Variants in HDAC9 observed in about 807,000 individuals in gnomAD.
HDAC9 encodes the protein histone deacetylase 9.
A neutral mutation model predicts 139.4 loss-of-function variants in HDAC9; 41 were observed. The ratio of observed to expected loss-of-function variants is 0.29; its 90% CI spans 0.23 to 0.38. The LOEUF is 0.38. Ranked by LOEUF, HDAC9 falls within the 10% of genes least tolerant of loss-of-function variation. The pLI, the probability that HDAC9 is intolerant of heterozygous loss-of-function variation, is 1.00. For synonymous variants in HDAC9, 517 were observed against 476.2 expected (o/e 1.09, Z -1.12); for missense variants, 1,147 against 1,297.0 (o/e 0.88, Z 1.78).
intron 25 of HDAC9, among the ~76,000 whole-genome samples, chr7:18,981,241 C>G (rs1226781684): frequency 6.6e-6 from 1 of 152,114 alleles, no homozygotes; most frequent in Admixed American, 6.6e-5. Flanking sequence ...CAGGACTATC[C>G]TCCAACCAGC....
rs184029124 is a variant in HDAC9 at position 18,745,846 on chromosome 7, C to T, written c.1910-3159C>T. Among the ~76,000 whole-genome samples the T allele has an allele frequency of 1.4e-3, 214 of 148,796 alleles. 1 individual carries two copies. The highest frequency in any genetic ancestry group is 5.1e-3 in the African/African-American group (208 of 40,618). The stretch of plus-strand genomic sequence containing the variant: ...CAGGCGTGAGCCACCGTGCCCGGCC[C>T]GACTCTCTACTCTTGAAGAATATAT... On this transcript the variant is annotated intron_variant, in intron 13 of 25. Transcript: ENST00000686413.
intron 2 of HDAC9, among the ~76,000 whole-genome samples, chr7:18,230,549 G>A (rs1793387468): frequency 6.6e-6 from 1 of 152,304 alleles, no homozygotes; most frequent in Admixed American, 6.5e-5. Context: ...TTACGTTCCT[G>A]TAATTGAGCA....
In HDAC9 at chr7:18,642,069, A is replaced by G. The variant is rs114683063; in HGVS notation, c.913-2602A>G. On this transcript the variant is annotated intron_variant, in intron 8 of 25. Coordinates refer to ENST00000686413, the MANE Select transcript of HDAC9 (RefSeq NM_178425.4). Reference sequence around the variant, plus strand: ...ATGCCTGTTTCCTTATCTGTAATCCAAGGAGATAAGCTAAGCAATGTCCCG... The same window carrying G: ...ATGCCTGTTTCCTTATCTGTAATCCGAGGAGATAAGCTAAGCAATGTCCCG... Among the ~76,000 whole-genome samples the G allele has an allele frequency of 9.7e-3, 1,482 of 152,198 alleles. 25 individuals carry two copies. The highest frequency in any genetic ancestry group is 0.034 in the African/African-American group (1,401 of 41,536).
intron 1 of HDAC9, among the ~76,000 whole-genome samples, chr7:18,445,537 A>G (rs79895638): frequency 0.033 from 5,076 of 152,282 alleles, 104 homozygotes; most frequent in African/African-American, 0.061. Context: ...TGCATCTTCC[A>G]TTGTTGAAAG....
chr7:18,632,811 A>C (rs1474863774), intron 7 of HDAC9, among the ~76,000 whole-genome samples: 1 of 151,996 alleles, frequency 6.6e-6, no homozygotes, highest in Non-Finnish European at 1.5e-5. Context: ...CTTAAACTGA[A>C]ATGATTGTAG....
chr7:18,452,263 A>C (rs1019323716), intron 1 of HDAC9, among the ~76,000 whole-genome samples: 33 of 152,186 alleles, frequency 2.2e-4, no homozygotes, highest in African/African-American at 7.0e-4. Flanking sequence ...AATGAGCACT[A>C]AGAATGTGGC....
rs182453334 is a variant in HDAC9 at position 18,802,751 on chromosome 7, A to G, written c.2322+9299A>G. Among the ~76,000 whole-genome samples the G allele has an allele frequency of 4.1e-3, 616 of 151,778 alleles. 1 individual carries two copies. Among genetic ancestry groups the G allele is most frequent in the Non-Finnish European group, 7.0e-3 (474 of 67,710 alleles). On this transcript the variant is annotated intron_variant, in intron 17 of 25. Coordinates refer to ENST00000686413, the MANE Select transcript of HDAC9 (RefSeq NM_178425.4). The stretch of plus-strand genomic sequence containing the variant: ...AATCCTTTATTAATATTTAATAATT[A>G]TCTTAAGTAAATATTTTTATCCTCA...
chr7:18,191,808 A>G (rs2128150931), intron 2 of HDAC9, among the ~76,000 whole-genome samples: 1 of 152,326 alleles, frequency 6.6e-6, no homozygotes. Context: ...AAAATATCCA[A>G]ATCCATTAAT....
intron 1 of HDAC9, among the ~76,000 whole-genome samples, chr7:18,097,434 T>A (rs149060446): frequency 7.3e-4 from 110 of 151,410 alleles, no homozygotes; most frequent in African/African-American, 2.3e-3. Context: ...CTGACACCGC[T>A]TTACCAAATA....
chr7:18,491,039 C>T (rs1283520414), upstream of HDAC9, among the ~76,000 whole-genome samples: 2 of 151,960 alleles, frequency 1.3e-5, no homozygotes, highest in South Asian at 2.1e-4. Context: ...GATGATATAT[C>T]ATTGTGGTAG....
At chr7:18,670,417 A>G (rs1378426953) in intron 12 of HDAC9, among the ~76,000 whole-genome samples, 5 of 152,098 alleles carry the variant, frequency 3.3e-5, no homozygotes. Flanking sequence ...TTATAATAAC[A>G]TCTTTGAGGC....
intron 22 of HDAC9, among the ~76,000 whole-genome samples, chr7:18,906,010 T>C (rs1262813987): frequency 6.6e-6 from 1 of 151,716 alleles, no homozygotes; most frequent in Non-Finnish European, 1.5e-5. Flanking sequence ...TCTTTATTTT[T>C]TCTTTCTTTT....
rs1310658909 is a variant in HDAC9, at chr7:18,961,690, T to A, written c.3022+7460T>A. On this transcript the variant is annotated intron_variant, in intron 24 of 25. Coordinates refer to ENST00000686413, the MANE Select transcript of HDAC9 (RefSeq NM_178425.4). The stretch of plus-strand genomic sequence containing the variant: ...AGTGCTTACAGTGTGTGAGGTACTA[T>A]TAAAAATTAATTTGTTTAATCTTCT... 2.0e-5 allele frequency among the ~76,000 whole-genome samples: 3 copies of A among 152,208 alleles called. No homozygotes were observed. In the South Asian group the frequency reaches 6.2e-4, roughly 32 times the overall value.
At chr7:18,772,495 C>T (rs986210563) in intron 16 of HDAC9, among the ~76,000 whole-genome samples, 1 of 152,062 alleles carries the variant, frequency 6.6e-6, no homozygotes, top group African/African-American at 2.4e-5. Flanking sequence ...GGGGTAGCAT[C>T]TGCTTCTCAC....
At chr7:18,408,382 A>AT in intron 1 of HDAC9, among the ~76,000 whole-genome samples, 1 of 152,314 alleles carries the variant, frequency 6.6e-6, no homozygotes, top group South Asian at 2.1e-4. Flanking sequence ...GCCTTTGAGT[A>AT]TATAGGTATT....
At chr7:18,922,224 A>C (rs1367675823) in intron 22 of HDAC9, among the ~76,000 whole-genome samples, 5 of 152,040 alleles carry the variant, frequency 3.3e-5, no homozygotes, top group Non-Finnish European at 5.9e-5. Context: ...AACTTAAACT[A>C]TAATAATAAT....
chr7:18,098,700 A>G (rs892644406), intron 1 of HDAC9, among the ~76,000 whole-genome samples: 1 of 152,078 alleles, frequency 6.6e-6, no homozygotes, highest in African/African-American at 2.4e-5. Flanking sequence ...TCATTACCCC[A>G]AAGATGCATC....
At chr7:18,513,341 A>G (rs765988446) in intron 2 of HDAC9, among the ~76,000 whole-genome samples, 2 of 152,206 alleles carry the variant, frequency 1.3e-5, no homozygotes, top group Non-Finnish European at 1.5e-5. Flanking sequence ...CAAATAAAAG[A>G]TTCAGATCTA....
At chr7:18,975,672 G>A in intron 24 of HDAC9, 134 bp from the exon 25 acceptor site, 1 of 834,600 alleles carries the variant, frequency 1.2e-6, no homozygotes, top group Non-Finnish European at 1.9e-6. Context: ...TAACAGTTAA[G>A]AAACCAAATT....
Sources: gnomAD v4.1 joint callset for allele counts (sites outside exome capture counted in the v4.1 genomes callset) on GRCh38, gnomAD v4.1.1 for gene constraint, MANE v1.5 for transcripts, NCBI Gene and HGNC (gene_info 2026-07-23, HGNC 2026-07-21) for gene names.